CCDC7: variants seen among roughly 807,000 people sequenced by gnomAD.
The protein encoded by CCDC7 is coiled-coil domain containing 7, also known as coiled-coil domain-containing protein 7.
In CCDC7, 183 loss-of-function variants were observed where a neutral mutation model predicts 196.9. The observed-to-expected ratio is 0.93, with a 90% CI of 0.82 to 1.05. The LOEUF is 1.05. Ranked by LOEUF, CCDC7 falls within the 50% of genes least tolerant of loss-of-function variation. The probability of loss-of-function intolerance (pLI) is 0.00; values close to 1 mark genes in which losing one functional copy is unlikely to be tolerated. For synonymous variants in CCDC7, 525 were observed against 484.6 expected, an observed-to-expected ratio of 1.08 and a Z score of -1.10; for missense variants, 1,540 against 1,482.2, an observed-to-expected ratio of 1.04 and a Z score of -0.64.
At chr10:32,773,247 T>C (rs765341755) in intron 28 of CCDC7, among the ~76,000 whole-genome samples, 14 of 152,196 alleles carry the variant, frequency 9.2e-5, no homozygotes, top group Non-Finnish European at 1.9e-4. Flanking sequence ...TACTATTTCC[T>C]TAAATATGCT....
chr10:32,792,759 C>T (rs1011987622), intron 29 of CCDC7, among the ~76,000 whole-genome samples: 4 of 152,210 alleles, frequency 2.6e-5, no homozygotes, highest in Non-Finnish European at 4.4e-5. Flanking sequence ...GAGATCACGC[C>T]ATTGCACTCC....
chr10:32,681,314 T>C (rs11814113), intron 21 of CCDC7, among the ~76,000 whole-genome samples: 8,048 of 152,112 alleles, frequency 0.053, 709 homozygotes, highest in African/African-American at 0.18. Flanking sequence ...GTCCAGAATA[T>C]TGAGTCAGAA....
intron 32 of CCDC7, 119 bp from the exon 34 acceptor site, chr10:32,834,696 T>C: frequency 2.0e-6 from 1 of 488,920 alleles, no homozygotes. Context: ...CTTTAATGAC[T>C]GATGCTAATT....
chr10:32,796,284 G>T (rs1474444238), intron 29 of CCDC7, among the ~76,000 whole-genome samples: 4 of 152,092 alleles, frequency 2.6e-5, no homozygotes, highest in African/African-American at 9.7e-5. Flanking sequence ...GGGAAAGGGA[G>T]TAAAGCCAGA....
intron 28 of CCDC7, among the ~76,000 whole-genome samples, chr10:32,744,374 A>G (rs75436526): frequency 2.6e-5 from 3 of 116,064 alleles, no homozygotes; most frequent in South Asian, 2.9e-4. Flanking sequence ...CCTGCTGGTG[A>G]AAAAAAAAAA....
chr10:32,492,865 T>G (rs1454804548), intron 9 of CCDC7, among the ~76,000 whole-genome samples: 1 of 152,144 alleles, frequency 6.6e-6, no homozygotes, highest in Non-Finnish European at 1.5e-5. Flanking sequence ...TTAAAAAAGT[T>G]AAAAGTTGCG....
intron 28 of CCDC7, among the ~76,000 whole-genome samples, chr10:32,757,077 T>A (rs1295275979): frequency 6.6e-6 from 1 of 152,122 alleles, no homozygotes; most frequent in Non-Finnish European, 1.5e-5. Context: ...ATGCACCCAA[T>A]ACAGGAGCAC....
intron 18 of CCDC7, among the ~76,000 whole-genome samples, chr10:32,592,983 A>G (rs1436271399): frequency 1.3e-5 from 2 of 152,154 alleles, no homozygotes; most frequent in African/African-American, 2.4e-5. Context: ...AGTCTTTGCT[A>G]TTGTGATTAG....
intron 28 of CCDC7, among the ~76,000 whole-genome samples, chr10:32,732,710 TAGAA>T (rs1199146057): frequency 2.0e-5 from 3 of 152,132 alleles, no homozygotes; most frequent in Non-Finnish European, 4.4e-5. Context: ...ATGTTCACAG[TAGAA>T]AGAAAGATAG....
chr10:32,740,578 G>A (rs898627890), intron 28 of CCDC7, among the ~76,000 whole-genome samples: 8 of 152,110 alleles, frequency 5.3e-5, no homozygotes, highest in African/African-American at 1.9e-4. Flanking sequence ...GTGAAGGGGT[G>A]GTCCTGGAAC....
At position 32,645,503 on chromosome 10, in the gene CCDC7, CTTTTTTTTT is replaced by C. The variant is rs35170235; in HGVS notation, c.2014+10361_2014+10369del. 4.6e-5 allele frequency among the ~76,000 whole-genome samples: 3 copies of C among 65,146 alleles called. No individual in the cohort carries two copies. In the Admixed American group the frequency reaches 5.7e-4, roughly 12 times the overall value. The allele number at this position is 65,146 out of a possible 152,430, so 42.7% of individuals were successfully genotyped here. A position where few individuals can be genotyped will look rare whatever the true frequency, so the allele number is the denominator to read the frequency against. ...GTTTTATTTTCTGTTGAGTCCATGT[CTTTTTTTTT>C]TTTTTTTTTTTTTTTAATCAGAGTA... On this transcript the variant is annotated intron_variant, in intron 20 of 41. Coordinates refer to ENST00000639629, the Ensembl canonical transcript of CCDC7.
intron 28 of CCDC7, among the ~76,000 whole-genome samples, chr10:32,746,351 A>G (rs990937184): frequency 5.9e-5 from 9 of 152,178 alleles, no homozygotes; most frequent in Non-Finnish European, 7.3e-5. Flanking sequence ...AGAAGACCCT[A>G]TTGTCCTGAT....
At chr10:32,529,067 G>T (rs1033969925) in intron 11 of CCDC7, among the ~76,000 whole-genome samples, 1 of 151,976 alleles carries the variant, frequency 6.6e-6, no homozygotes, top group Non-Finnish European at 1.5e-5. Flanking sequence ...TGTCACCCAG[G>T]CTGGAGAGCA....
chr10:32,703,778 C>G (rs1481401892), intron 24 of CCDC7, among the ~76,000 whole-genome samples: 1 of 152,122 alleles, frequency 6.6e-6, no homozygotes, highest in Non-Finnish European at 1.5e-5. Flanking sequence ...TCTTCCATCA[C>G]TGATACCCTT....
At chr10:32,549,471 G>T (rs2053101271) in intron 13 of CCDC7, among the ~76,000 whole-genome samples, 1 of 152,036 alleles carries the variant, frequency 6.6e-6, no homozygotes, top group South Asian at 2.1e-4. Flanking sequence ...TGGGTTCCTG[G>T]TCATGAAATC....
intron 25 of CCDC7, among the ~76,000 whole-genome samples, chr10:32,719,649 A>G (rs903759327): frequency 1.3e-5 from 2 of 152,366 alleles, no homozygotes; most frequent in East Asian, 3.9e-4. Flanking sequence ...TCCAGAATCT[A>G]CAAGGAACTT....
At chr10:32,814,050 T>C (rs2087790325) in intron 30 of CCDC7, among the ~76,000 whole-genome samples, 1 of 152,168 alleles carries the variant, frequency 6.6e-6, no homozygotes, top group Middle Eastern at 3.2e-3. Context: ...CTCCGACTCC[T>C]GGGTTTGAGT....
chr10:32,804,297 CAA>C (rs1229388273), intron 29 of CCDC7, among the ~76,000 whole-genome samples: 3 of 152,120 alleles, frequency 2.0e-5, no homozygotes, highest in Admixed American at 1.3e-4. Context: ...CTAAATCCAA[CAA>C]AAGAGTCAAA....
intron 24 of CCDC7, among the ~76,000 whole-genome samples, chr10:32,708,084 A>G (rs754584420): frequency 6.0e-4 from 91 of 152,160 alleles, no homozygotes; most frequent in Non-Finnish European, 8.5e-4. Flanking sequence ...CTACAAGGCT[A>G]CAGTAACCAA....
Sources: gnomAD v4.1 joint callset for allele counts (sites outside exome capture counted in the v4.1 genomes callset) on GRCh38, gnomAD v4.1.1 for gene constraint, MANE v1.5 for transcripts, NCBI Gene and HGNC (gene_info 2026-07-23, HGNC 2026-07-21) for gene names.